SHISA9: variants seen among roughly 807,000 people sequenced by gnomAD.
SHISA9 encodes the protein shisa family member 9, also known as protein shisa-9.
In SHISA9, 13 loss-of-function variants were observed where a neutral mutation model predicts 38.0. The observed-to-expected ratio is 0.34, with a 90% confidence interval of 0.22 to 0.54. SHISA9 has a LOEUF of 0.54. SHISA9 is among the 20% of genes least tolerant of loss of function. The probability of loss-of-function intolerance (pLI) is 0.91; values close to 1 mark genes in which losing one functional copy is unlikely to be tolerated. For missense variants in SHISA9, 538 were observed against 575.8 expected (o/e 0.93, Z 0.67); for synonymous variants, 275 against 242.0 (o/e 1.14, Z -1.27).
chr16:13,067,561 A>T (rs1567200734), intron 2 of SHISA9, among the ~76,000 whole-genome samples: 3 of 152,256 alleles, frequency 2.0e-5, no homozygotes, highest in Admixed American at 6.5e-5. Flanking sequence ...TAGAAATTCC[A>T]CCCGAGCCCA....
rs577597297 is a variant in SHISA9 at position 12,921,843 on chromosome 16, A to G, written c.691+5028A>G. 7.2e-5 allele frequency among the ~76,000 whole-genome samples: 11 copies of G among 152,328 alleles called. No homozygotes were observed. The South Asian group carries it at 2.1e-3, about 29-fold the overall frequency. On this transcript the variant is annotated intron_variant, in intron 2 of 4. Transcript: ENST00000558583. The stretch of plus-strand genomic sequence containing the variant: ...ATGATAAGTATAGATCGAGGCATAT[A>G]TAACAGTAAAAAATATGTAAGATAG...
the SHISA9 span, among the ~76,000 whole-genome samples, chr16:13,376,621 A>C: frequency 6.6e-6 from 1 of 152,192 alleles, no homozygotes. Flanking sequence ...AGATTGGTTA[A>C]AAATTAAATT....
chr16:13,183,660 G>C (rs1297368955), intron 2 of SHISA9, among the ~76,000 whole-genome samples: 1 of 152,172 alleles, frequency 6.6e-6, no homozygotes, highest in South Asian at 2.1e-4. Context: ...TTTTCCTTTT[G>C]TGAATAACTC....
chr16:13,447,044 AAGAG>A, the SHISA9 span, among the ~76,000 whole-genome samples: 6 of 151,564 alleles, frequency 4.0e-5, no homozygotes, highest in Non-Finnish European at 8.8e-5. Context: ...TAAAAAAAAA[AAGAG>A]AGAGAGAGAA....
intron 2 of SHISA9, among the ~76,000 whole-genome samples, chr16:13,008,664 TTCCTCCCTCCCTCC>T (rs1567179938): frequency 9.7e-4 from 14 of 14,470 alleles, no homozygotes; most frequent in African/African-American, 2.9e-3. Context: ...CCTCCCTCCC[TTCCTCCCTCCCTCC>T]CTCTCTCTCT....
At chr16:13,402,473 C>T in the SHISA9 span, among the ~76,000 whole-genome samples, 197 of 149,796 alleles carry the variant, frequency 1.3e-3, no homozygotes, top group African/African-American at 4.5e-3. Context: ...TTGGGCCCTT[C>T]GTGGATTGGA....
chr16:13,259,197 A>G, the SHISA9 span, among the ~76,000 whole-genome samples: 21 of 152,334 alleles, frequency 1.4e-4, no homozygotes, highest in African/African-American at 4.3e-4. Context: ...TTCGAAATCC[A>G]GTGGGGCAGT....
At chr16:13,347,031 T>C in the SHISA9 span, among the ~76,000 whole-genome samples, 2 of 152,230 alleles carry the variant, frequency 1.3e-5, no homozygotes, top group Non-Finnish European at 2.9e-5. Flanking sequence ...TCTTTTATGC[T>C]CTGACTTCAT....
intron 2 of SHISA9, among the ~76,000 whole-genome samples, chr16:13,002,784 C>T (rs1567178053): frequency 2.0e-5 from 3 of 152,104 alleles, no homozygotes; most frequent in East Asian, 1.9e-4. Flanking sequence ...CTGCCTGCCT[C>T]GCCCTCCCAA....
chr16:12,933,690 T>G (rs1433873151), intron 2 of SHISA9, among the ~76,000 whole-genome samples: 1 of 152,214 alleles, frequency 6.6e-6, no homozygotes, highest in Non-Finnish European at 1.5e-5. Flanking sequence ...GCAAATCTGC[T>G]GTTGAAAATG....
chr16:13,304,405 A>G, the SHISA9 span, among the ~76,000 whole-genome samples: 18 of 152,302 alleles, frequency 1.2e-4, no homozygotes, highest in Admixed American at 1.0e-3. Flanking sequence ...GATTACAGAC[A>G]TGCATCACCA....
intron 2 of SHISA9, among the ~76,000 whole-genome samples, chr16:12,995,787 C>T (rs920906207): frequency 1.3e-5 from 2 of 152,158 alleles, no homozygotes; most frequent in African/African-American, 4.8e-5. Flanking sequence ...GCAGTTTTAT[C>T]TCATTTATCC....
chr16:13,014,701 G>A (rs561681781), intron 2 of SHISA9, among the ~76,000 whole-genome samples: 3 of 152,306 alleles, frequency 2.0e-5, no homozygotes, highest in Non-Finnish European at 2.9e-5. Context: ...ATTCTGAGCC[G>A]GGGGTGGAAT....
At chr16:13,444,356 G>C in the SHISA9 span, among the ~76,000 whole-genome samples, 1 of 142,476 alleles carries the variant, frequency 7.0e-6, no homozygotes, top group Non-Finnish European at 1.5e-5. Flanking sequence ...CAGTGACAGA[G>C]CAAGACTCTG....
chr16:13,561,013 G>A, the SHISA9 span, among the ~76,000 whole-genome samples: 2 of 152,024 alleles, frequency 1.3e-5, no homozygotes, highest in South Asian at 2.1e-4. Flanking sequence ...ACAGGCGTCC[G>A]ACACCACTCC....
At chr16:13,193,659 T>C (rs964514149) in intron 2 of SHISA9, among the ~76,000 whole-genome samples, 11 of 152,316 alleles carry the variant, frequency 7.2e-5, no homozygotes, top group African/African-American at 2.4e-4. Context: ...TTGGCCTTTC[T>C]GAGCACATGA....
chr16:13,056,550 T>C (rs2073312954), intron 2 of SHISA9, among the ~76,000 whole-genome samples: 1 of 152,122 alleles, frequency 6.6e-6, no homozygotes, highest in South Asian at 2.1e-4. Flanking sequence ...ATATCAGTTA[T>C]GGGTTGGAAG....
chr16:13,179,626 G>T (rs182292066), intron 2 of SHISA9, among the ~76,000 whole-genome samples: 3 of 152,304 alleles, frequency 2.0e-5, no homozygotes, highest in Admixed American at 2.0e-4. Flanking sequence ...CCTGGCCTTG[G>T]CTCCAATGAT....
At chr16:13,458,688 T>G in the SHISA9 span, 1 of 258,944 alleles carries the variant, frequency 3.9e-6, no homozygotes, top group African/African-American at 2.4e-5. Flanking sequence ...GATTAGATCT[T>G]GAGGATGTAA....
Sources: allele counts gnomAD v4.1 joint callset (sites outside exome capture counted in the v4.1 genomes callset), GRCh38; gene constraint gnomAD v4.1.1; transcripts MANE v1.5; gene names NCBI Gene and HGNC (gene_info 2026-07-23, HGNC 2026-07-21).